The following BAZ2B variants were observed in gnomAD, a reference collection of about 807,000 sequenced individuals.
BAZ2B encodes the protein bromodomain adjacent to zinc finger domain protein 2B.
BAZ2B carries 91 observed loss-of-function variants against 246.0 expected under a neutral mutation model. The ratio of observed to expected loss-of-function variants is 0.37; its 90% CI spans 0.31 to 0.44. BAZ2B has a LOEUF of 0.44. Among genes scored for constraint, BAZ2B ranks in the 20% least tolerant of loss-of-function variants. The probability of loss-of-function intolerance (pLI) is 1.00; values close to 1 mark genes in which losing one functional copy is unlikely to be tolerated. For missense variants in BAZ2B, 2,332 were observed against 2,533.7 expected (o/e 0.92, Z 1.71); for synonymous variants, 855 against 860.0 (o/e 0.99, Z 0.10).
intron 2 of BAZ2B, among the ~76,000 whole-genome samples, chr2:159,481,733 CAT>C (rs2150956172): frequency 6.6e-6 from 1 of 150,890 alleles, no homozygotes; most frequent in South Asian, 2.1e-4. Flanking sequence ...ATTGAAAAAC[CAT>C]ATACAAAATA....
rs755350643 is a variant in BAZ2B at position 159,397,296 on chromosome 2, ATAT to A, written c.3009+46_3009+48del. The A allele has an allele frequency of 4.3e-6, 6 of 1,383,836 alleles. No homozygotes were observed. In the East Asian group the frequency reaches 1.4e-4, roughly 32 times the overall value. The allele number at this position is 1,383,836 out of a possible 1,614,324, so 85.7% of individuals were successfully genotyped here. On this transcript the variant is annotated intron_variant, in intron 19 of 36. Transcript: ENST00000392783. ...ATTTTCCCCCAAATAGGTTTAAGCAATATTATAAAATGTACATTCAACAATTGT... is the reference window on the plus strand; with the variant it reads ...ATTTTCCCCCAAATAGGTTTAAGCAATATAAAATGTACATTCAACAATTGT...
At chr2:159,568,911 C>A (rs72960228) in intron 1 of BAZ2B, among the ~76,000 whole-genome samples, 1 of 152,240 alleles carries the variant, frequency 6.6e-6, no homozygotes, top group South Asian at 2.1e-4. Flanking sequence ...AATTGTAATT[C>A]ACTACTATCT....
At chr2:159,320,483 G>A (rs1419182227) in intron 36 of BAZ2B, 65 bp from the exon 37 acceptor site, 5 of 1,376,054 alleles carry the variant, frequency 3.6e-6, no homozygotes, top group Non-Finnish European at 4.9e-6. Flanking sequence ...AACAAATGAA[G>A]AGTTAATAAA....
intron 27 of BAZ2B, among the ~76,000 whole-genome samples, chr2:159,357,363 A>G (rs1184234906): frequency 1.3e-5 from 2 of 152,038 alleles, no homozygotes; most frequent in Non-Finnish European, 2.9e-5. Context: ...AGCAGAAGAA[A>G]GGATATCAAT....
At chr2:159,518,150 TATA>T (rs1553692014) in intron 2 of BAZ2B, among the ~76,000 whole-genome samples, 1 of 152,214 alleles carries the variant, frequency 6.6e-6, no homozygotes, top group Non-Finnish European at 1.5e-5. Context: ...CTTAGTTTCC[TATA>T]ATGTGTCAAA....
intron 6 of BAZ2B, among the ~76,000 whole-genome samples, chr2:159,445,379 G>C (rs1385866126): frequency 1.3e-5 from 2 of 152,156 alleles, no homozygotes; most frequent in Non-Finnish European, 2.9e-5. Context: ...TTTTTGTAGG[G>C]CTAAGGTAGA....
intron 1 of BAZ2B, among the ~76,000 whole-genome samples, chr2:159,563,453 G>C (rs2090072604): frequency 6.6e-6 from 1 of 152,042 alleles, no homozygotes; most frequent in Non-Finnish European, 1.5e-5. Flanking sequence ...AGGAGTGTAA[G>C]GCATACATAC....
chr2:159,452,970 C>T (rs1462502143), intron 4 of BAZ2B, among the ~76,000 whole-genome samples: 1 of 152,178 alleles, frequency 6.6e-6, no homozygotes, highest in East Asian at 1.9e-4. Flanking sequence ...CATGATGGTG[C>T]GTGGCTGTAA....
chr2:159,538,608 G>C (rs1194830080), intron 2 of BAZ2B, among the ~76,000 whole-genome samples: 1 of 152,122 alleles, frequency 6.6e-6, no homozygotes, highest in Non-Finnish European at 1.5e-5. Context: ...AAAAAGCATT[G>C]TATATCTATA....
intron 34 of BAZ2B, among the ~76,000 whole-genome samples, chr2:159,329,462 T>C (rs1009916488): frequency 6.6e-6 from 1 of 152,130 alleles, no homozygotes; most frequent in Non-Finnish European, 1.5e-5. Flanking sequence ...ATGTTGTATA[T>C]ATATGCACAC....
In BAZ2B at chr2:159,453,714, C is replaced by T. The variant is rs2075370460; in HGVS notation, c.233G>A (p.Gly78Asp). Residue 78 changes from glycine (G) to aspartate (D), a missense_variant, in exon 4 of 37, where the codon GGT (glycine) becomes GAT (aspartate). Physicochemically the swap from Gly to Asp is moderately conservative, Grantham distance 94. Around this residue, in one of 9 missense-constraint regions of BAZ2B, gnomAD observed 242 missense variants for 237.4 expected, o/e 1.02. Transcript: ENST00000392783. ...AFPMVSHPVF[G>D]LHSASSGHSE... ...ATGCCCTGAGCTGGCTGAATGTAGA[C>T]CAAAGACTGGGTGGCTGACCATTGG... 1 of 1,613,712 alleles carries T rather than the reference C, an allele frequency of 6.2e-7. No homozygotes were observed. Among genetic ancestry groups the T allele is most frequent in the Non-Finnish European group, 8.5e-7 (1 of 1,179,856 alleles).
intron 2 of BAZ2B, among the ~76,000 whole-genome samples, chr2:159,535,944 G>T (rs1029211113): frequency 2.0e-5 from 3 of 152,090 alleles, no homozygotes; most frequent in African/African-American, 7.2e-5. Flanking sequence ...TTGGTAATTG[G>T]TCCCCAAGTT....
At chr2:159,325,511 T>C in intron 35 of BAZ2B, 142 bp downstream of exon 35, 2 of 875,686 alleles carry the variant, frequency 2.3e-6, no homozygotes, top group Non-Finnish European at 1.7e-6. Context: ...ATACTTTTAC[T>C]TATATATTTT....
At chr2:159,602,961 A>T (rs1692509302) in intron 1 of BAZ2B, among the ~76,000 whole-genome samples, 1 of 152,098 alleles carries the variant, frequency 6.6e-6, no homozygotes, top group East Asian at 1.9e-4. Context: ...ATATAGTGAA[A>T]CCCAATGTCT....
At chr2:159,462,622 A>G (rs559891736) in intron 3 of BAZ2B, 53 of 914,338 alleles carry the variant, frequency 5.8e-5, no homozygotes, top group Admixed American at 3.4e-5. Context: ...AATCCTGTAC[A>G]TCTTTATGAC....
At chr2:159,664,944 T>A in the BAZ2B span, among the ~76,000 whole-genome samples, 1 of 151,222 alleles carries the variant, frequency 6.6e-6, no homozygotes, top group Non-Finnish European at 1.5e-5. Context: ...GGACATGAAG[T>A]CCTTGCCCCA....
At chr2:159,466,935 C>T (rs2077135457) in intron 3 of BAZ2B, among the ~76,000 whole-genome samples, 3 of 152,076 alleles carry the variant, frequency 2.0e-5, no homozygotes, top group African/African-American at 7.2e-5. Context: ...TACAGACACA[C>T]CCAGAAATAG....
chr2:159,626,572 G>A, the BAZ2B span, among the ~76,000 whole-genome samples: 1 of 152,176 alleles, frequency 6.6e-6, no homozygotes, highest in South Asian at 2.1e-4. Flanking sequence ...TGAATACTGG[G>A]TAAATAACAA....
intron 6 of BAZ2B, among the ~76,000 whole-genome samples, chr2:159,439,439 A>T (rs945499037): frequency 6.6e-6 from 1 of 152,242 alleles, no homozygotes; most frequent in Admixed American, 6.5e-5. Flanking sequence ...GAATATTGAA[A>T]ATATCAATAT....
Sources: allele counts gnomAD v4.1 joint callset (sites outside exome capture counted in the v4.1 genomes callset), GRCh38; gene constraint gnomAD v4.1.1; regional missense constraint gnomAD v4.1.1; transcripts MANE v1.5; gene names NCBI Gene and HGNC (gene_info 2026-07-23, HGNC 2026-07-21).